The following JAKMIP3 variants were observed in gnomAD, a reference collection of about 807,000 sequenced individuals.
JAKMIP3 encodes Janus kinase and microtubule interacting protein 3.
JAKMIP3 carries 58 observed loss-of-function variants against 118.5 expected under a neutral mutation model. The observed-to-expected ratio is 0.49, with a 90% confidence interval of 0.40 to 0.61. The LOEUF (loss-of-function observed/expected upper bound fraction) is 0.61, where lower values mean the gene tolerates loss of function less well. Ranked by LOEUF, JAKMIP3 falls within the 20% of genes least tolerant of loss-of-function variation. JAKMIP3 has a pLI of 0.00. For synonymous variants in JAKMIP3, 486 were observed against 451.2 expected, an observed-to-expected ratio of 1.08 and a Z score of -0.98; for missense variants, 950 against 1,109.0, an observed-to-expected ratio of 0.86 and a Z score of 2.04.
chr10:132,041,514 G>A (rs1051704332), intron 1 of JAKMIP3, among the ~76,000 whole-genome samples: 5 of 152,358 alleles, frequency 3.3e-5, no homozygotes, highest in African/African-American at 1.2e-4. Flanking sequence ...CCCCTCTGCC[G>A]CGTGTCCCCA....
intron 1 of JAKMIP3, among the ~76,000 whole-genome samples, chr10:132,067,677 C>T (rs1589736654): frequency 7.1e-6 from 1 of 141,000 alleles, no homozygotes; most frequent in Admixed American, 7.1e-5. Context: ...CTGTGGGCTT[C>T]CATGTGGACT....
At chr10:132,047,656 ACGG>A (rs1306982316) in intron 1 of JAKMIP3, among the ~76,000 whole-genome samples, 1 of 49,822 alleles carries the variant, frequency 2.0e-5, no homozygotes, top group Non-Finnish European at 4.1e-5. Flanking sequence ...TTGGCGGTGT[ACGG>A]AGCTGTGTGT....
intron 16 of JAKMIP3, among the ~76,000 whole-genome samples, chr10:132,151,255 C>T (rs1047516108): frequency 1.8e-4 from 27 of 152,164 alleles, no homozygotes; most frequent in African/African-American, 6.3e-4. Flanking sequence ...TCCATCTTTC[C>T]ATCCTTCATC....
At chr10:132,151,863 C>T (rs2056279682) in intron 16 of JAKMIP3, among the ~76,000 whole-genome samples, 2 of 152,248 alleles carry the variant, frequency 1.3e-5, no homozygotes, top group South Asian at 2.1e-4. Context: ...GGCTTAAGCT[C>T]AGGGGACCTG....
At chr10:132,144,830 GAGGTGGGAGGATCAC>G in intron 11 of JAKMIP3, 1 of 363,766 alleles carries the variant, frequency 2.7e-6, no homozygotes, top group South Asian at 3.2e-5. Flanking sequence ...TCAGGATGGT[GAGGTGGGAGGATCAC>G]TTGAGCTCGG....
intron 9 of JAKMIP3, 39 bp downstream of exon 9, chr10:132,138,217 G>A (rs370846444): frequency 7.1e-6 from 11 of 1,551,870 alleles, no homozygotes; most frequent in African/African-American, 4.3e-5. Context: ...AGAGTACGCC[G>A]GGTGTGTGCG....
chr10:132,088,658 G>T lies in JAKMIP3; in HGVS notation c.-137-16014G>T, dbSNP rs552364774. On this transcript the variant is annotated intron_variant, in intron 1 of 23. Coordinates refer to ENST00000684848, the MANE Select transcript of JAKMIP3 (RefSeq NM_001323087.2). ...AAAATTTTCTCCCATTCTGTGGGTT[G>T]CCAGTTCACTCTGATGGTAGTTTCT... Among the ~76,000 whole-genome samples the T allele has an allele frequency of 1.1e-4, 16 of 152,296 alleles. No homozygotes were observed. In the South Asian group the frequency reaches 3.3e-3, roughly 32 times the overall value.
At chr10:132,165,043 T>C (rs960621580) in intron 21 of JAKMIP3, among the ~76,000 whole-genome samples, 3 of 152,248 alleles carry the variant, frequency 2.0e-5, no homozygotes, top group Admixed American at 6.5e-5. Flanking sequence ...TTTCCCCATC[T>C]GGAGCCAACG....
intron 1 of JAKMIP3, among the ~76,000 whole-genome samples, chr10:132,055,334 C>T (rs779785217): frequency 6.6e-6 from 1 of 152,158 alleles, no homozygotes; most frequent in Admixed American, 6.5e-5. Flanking sequence ...ATGTCCTCTA[C>T]GATGACATGC....
intron 1 of JAKMIP3, among the ~76,000 whole-genome samples, chr10:132,103,467 AGCAGCTGGAGGGGAAG>A (rs2045398780): frequency 2.4e-5 from 1 of 41,448 alleles, no homozygotes; most frequent in Non-Finnish European, 4.3e-5. Flanking sequence ...GGGGGGGAGG[AGCAGCTGGAGGGGAAG>A]AGCACCTGGG....
intron 3 of JAKMIP3, among the ~76,000 whole-genome samples, chr10:132,132,637 AAGCCTTGG>A (rs1456956954): frequency 6.6e-6 from 1 of 152,276 alleles, no homozygotes; most frequent in Admixed American, 6.5e-5. Context: ...CTCACCCCAA[AAGCCTTGG>A]CTCGCAGCCA....
chr10:132,167,054 T>A lies in JAKMIP3; in HGVS notation c.*21T>A. ...CATAGTCCGTCTTGGCACCCTGACGTGGTGAGTATTTCGTTGGCAGGGCCC... is the reference window on the plus strand; with the variant it reads ...CATAGTCCGTCTTGGCACCCTGACGAGGTGAGTATTTCGTTGGCAGGGCCC... On this transcript the variant is annotated splice_region_variant and 3_prime_UTR_variant, in exon 22 of 24. Transcript: ENST00000684848. 3 of 1,545,576 alleles carry A rather than the reference T, an allele frequency of 1.9e-6. No homozygotes were observed. Among genetic ancestry groups the A allele is most frequent in the Non-Finnish European group, 2.6e-6 (3 of 1,141,538 alleles).
chr10:132,046,441 G>T (rs899085648), intron 1 of JAKMIP3, among the ~76,000 whole-genome samples: 7 of 145,340 alleles, frequency 4.8e-5, no homozygotes, highest in African/African-American at 1.8e-4. Flanking sequence ...GGGTGACAGA[G>T]CAAGACTCCG....
intron 11 of JAKMIP3, chr10:132,144,256 G>T (rs2054154519): frequency 1.3e-5 from 2 of 152,402 alleles, no homozygotes; most frequent in African/African-American, 4.8e-5. Context: ...TGCGGACGGG[G>T]GAAGCGCCAG....
chr10:132,180,684 T>C (rs1490370583), intron 23 of JAKMIP3, among the ~76,000 whole-genome samples: 182 of 16,824 alleles, frequency 0.011, 44 homozygotes, highest in Middle Eastern at 0.029. Context: ...TGCGCGCGCG[T>C]GTGTGTGCGT....
At chr10:132,139,240 C>CTA (rs1435736539) in intron 9 of JAKMIP3, among the ~76,000 whole-genome samples, 1 of 84,816 alleles carries the variant, frequency 1.2e-5, no homozygotes, top group Non-Finnish European at 2.7e-5. Flanking sequence ...GTATATGCAT[C>CTA]TGTGTGTGTA....
In JAKMIP3 at chr10:132,040,018, G is replaced by A. The variant is rs1033600623; in HGVS notation, c.-138+3280G>A. On this transcript the variant is annotated intron_variant, in intron 1 of 23. Coordinates refer to the JAKMIP3 transcript ENST00000657785. ...GACAATCAGTACTCATAACTAACAC[G>A]TGCCCAGGTGACTGCTGTAAGTCAT... Among the ~76,000 whole-genome samples the A allele has an allele frequency of 4.6e-5, 7 of 152,300 alleles. No individual in the cohort carries two copies. In the East Asian group the frequency reaches 5.8e-4, roughly 13 times the overall value.
At chr10:132,098,175 A>G (rs564744229) in intron 1 of JAKMIP3, among the ~76,000 whole-genome samples, 16 of 151,716 alleles carry the variant, frequency 1.1e-4, no homozygotes, top group African/African-American at 3.9e-4. Context: ...AGCTGGGACC[A>G]CAGGTGCCCA....
chr10:132,055,746 C>A (rs539221422), intron 1 of JAKMIP3, among the ~76,000 whole-genome samples: 1 of 152,310 alleles, frequency 6.6e-6, no homozygotes, highest in South Asian at 2.1e-4. Flanking sequence ...CCCGTGGTGT[C>A]CTGGCTCAAC....
Sources: gnomAD v4.1 joint callset for allele counts (sites outside exome capture counted in the v4.1 genomes callset) on GRCh38, gnomAD v4.1.1 for gene constraint, MANE v1.5 for transcripts, NCBI Gene and HGNC (gene_info 2026-07-23, HGNC 2026-07-21) for gene names.